CRIM1: variants seen among roughly 807,000 people sequenced by gnomAD.
CRIM1 encodes the protein cysteine rich transmembrane BMP regulator 1, also known as cysteine-rich motor neuron 1 protein.
In CRIM1, 32 loss-of-function variants were observed where a neutral mutation model predicts 116.4. That is an observed-to-expected ratio of 0.27 (90% CI 0.21 to 0.37). The LOEUF is 0.37. Ranked by LOEUF, CRIM1 falls within the 10% of genes least tolerant of loss-of-function variation. The pLI, the probability that CRIM1 is intolerant of heterozygous loss-of-function variation, is 1.00. For missense variants in CRIM1, 1,331 were observed against 1,354.8 expected, an observed-to-expected ratio of 0.98 and a Z score of 0.28; for synonymous variants, 590 against 509.2, an observed-to-expected ratio of 1.16 and a Z score of -2.13.
intron 13 of CRIM1, among the ~76,000 whole-genome samples, chr2:36,526,092 A>G (rs1221782853): frequency 2.0e-5 from 3 of 152,216 alleles, no homozygotes; most frequent in African/African-American, 4.8e-5. Flanking sequence ...TTCTTATAAT[A>G]TCCATCATTA....
At chr2:36,544,973 G>T (rs1667216391) in intron 15 of CRIM1, among the ~76,000 whole-genome samples, 1 of 152,050 alleles carries the variant, frequency 6.6e-6, no homozygotes, top group Admixed American at 6.6e-5. Flanking sequence ...GATTTTTCTA[G>T]TCACCAGGTT....
rs776641004 is a variant in CRIM1 at position 36,517,306 on chromosome 2, T to G, written c.1991-21T>G. ...AAGATTGCAGATGAATAATGTGTTC[T>G]GATTTTGTGTCATTTCCCAGATGAC... On this transcript the variant is annotated intron_variant, in intron 11 of 16. Coordinates refer to ENST00000280527, the MANE Select transcript of CRIM1 (RefSeq NM_016441.3). 7 of 1,602,236 alleles carry G rather than the reference T, an allele frequency of 4.4e-6. No individual in the cohort carries two copies. In the African/African-American group the frequency reaches 8.0e-5, roughly 18 times the overall value.
intron 1 of CRIM1, among the ~76,000 whole-genome samples, chr2:36,394,089 G>A (rs184352406): frequency 1.3e-5 from 2 of 152,276 alleles, no homozygotes; most frequent in Admixed American, 1.3e-4. Flanking sequence ...GGGAGTTCCA[G>A]TTAGAATGGT....
chr2:36,460,124 C>G (rs1335300657), intron 4 of CRIM1, among the ~76,000 whole-genome samples: 1 of 152,132 alleles, frequency 6.6e-6, no homozygotes, highest in Non-Finnish European at 1.5e-5. Context: ...GACAGCTTTA[C>G]CAAGTCCCAC....
intron 4 of CRIM1, among the ~76,000 whole-genome samples, chr2:36,448,520 C>T (rs1282402059): frequency 2.0e-5 from 3 of 152,224 alleles, no homozygotes; most frequent in Non-Finnish European, 4.4e-5. Flanking sequence ...CAGATACAGG[C>T]TTACACGGTA....
At chr2:36,364,405 G>T (rs1048170891) in intron 1 of CRIM1, among the ~76,000 whole-genome samples, 1 of 152,192 alleles carries the variant, frequency 6.6e-6, no homozygotes, top group Non-Finnish European at 1.5e-5. Context: ...CACAGGCCAT[G>T]ATCTGATGGT....
intron 4 of CRIM1, among the ~76,000 whole-genome samples, chr2:36,463,569 G>A (rs906814240): frequency 2.0e-5 from 3 of 152,152 alleles, no homozygotes; most frequent in African/African-American, 7.2e-5. Flanking sequence ...CCCCAGGGGA[G>A]TCCCAGGGCA....
At chr2:36,516,014 G>T (rs1416092325) in intron 11 of CRIM1, among the ~76,000 whole-genome samples, 6 of 152,188 alleles carry the variant, frequency 3.9e-5, no homozygotes, top group Non-Finnish European at 4.4e-5. Context: ...GGTTACAGTT[G>T]CTTGTGAATG....
chr2:36,463,501 C>A (rs950921615), intron 4 of CRIM1, among the ~76,000 whole-genome samples: 1 of 152,102 alleles, frequency 6.6e-6, no homozygotes, highest in East Asian at 1.9e-4. Context: ...TCCTTTTACT[C>A]CTGTCAACCT....
Position 36,368,189 on chromosome 2 carries a change from G to T in CRIM1, c.331+11566G>T, listed in dbSNP as rs146008729. Among the ~76,000 whole-genome samples, 683 of 152,328 alleles carry T rather than the reference G, an allele frequency of 4.5e-3. 3 individuals are homozygous for T. Among genetic ancestry groups the T allele is most frequent in the African/African-American group, 0.016 (649 of 41,580 alleles). ...TAGCAGTAATAGTGCATGAAAGGGG[G>T]TGTGGGGTCGCTGGCCAAACGTGGC... On this transcript the variant is annotated intron_variant, in intron 1 of 16. Transcript: ENST00000280527.
intron 2 of CRIM1, among the ~76,000 whole-genome samples, chr2:36,402,017 G>A (rs111369918): frequency 1.5e-4 from 23 of 152,280 alleles, no homozygotes; most frequent in African/African-American, 5.5e-4. Context: ...GGAAGACAGA[G>A]GCTCCCAGCT....
At chr2:36,532,705 G>A (rs111597944) in intron 13 of CRIM1, among the ~76,000 whole-genome samples, 1 of 152,160 alleles carries the variant, frequency 6.6e-6, no homozygotes, top group African/African-American at 2.4e-5. Context: ...AACCAGACCC[G>A]CTGTGGTTCC....
chr2:36,401,722 T>C (rs903466231), intron 2 of CRIM1, among the ~76,000 whole-genome samples: 2 of 152,222 alleles, frequency 1.3e-5, no homozygotes, highest in Non-Finnish European at 2.9e-5. Context: ...AAAAAAATTA[T>C]TGTAATTCAG....
chr2:36,449,415 C>T (rs531738383), intron 4 of CRIM1, among the ~76,000 whole-genome samples: 1 of 152,312 alleles, frequency 6.6e-6, no homozygotes, highest in African/African-American at 2.4e-5. Flanking sequence ...CTGTGTCATG[C>T]ACTTTGTTAT....
Position 36,444,387 on chromosome 2 carries a change from G to C in CRIM1, c.869+1652G>C, listed in dbSNP as rs116545671. On this transcript the variant is annotated intron_variant, in intron 4 of 16. Transcript: ENST00000280527. ...GAGGCAGACAGAGCTCCTTGGAGCT[G>C]GATAGATTTCTTTCCGTCTGGATGG... Among the ~76,000 whole-genome samples the C allele has an allele frequency of 3.8e-3, 570 of 151,880 alleles. 2 individuals carry two copies. Among genetic ancestry groups the C allele is most frequent in the Non-Finnish European group, 3.9e-3 (268 of 68,028 alleles).
At chr2:36,469,567 G>T (rs1232626275) in intron 5 of CRIM1, among the ~76,000 whole-genome samples, 2 of 152,154 alleles carry the variant, frequency 1.3e-5, no homozygotes, top group East Asian at 3.8e-4. Context: ...ACCATTTAAA[G>T]GGGAGCCGTA....
At chr2:36,391,713 T>A (rs1374360399) in intron 1 of CRIM1, among the ~76,000 whole-genome samples, 1 of 151,830 alleles carries the variant, frequency 6.6e-6, no homozygotes, top group Non-Finnish European at 1.5e-5. Flanking sequence ...CCTTTTTGGG[T>A]GGTAAATCAG....
chr2:36,366,040 C>T (rs1669581032), intron 1 of CRIM1, among the ~76,000 whole-genome samples: 1 of 152,190 alleles, frequency 6.6e-6, no homozygotes, highest in African/African-American at 2.4e-5. Flanking sequence ...ACTACATTTG[C>T]TTAACTGTGA....
chr2:36,444,690 AG>A (rs1478576241), intron 4 of CRIM1, among the ~76,000 whole-genome samples: 2 of 152,170 alleles, frequency 1.3e-5, no homozygotes, highest in Non-Finnish European at 2.9e-5. Context: ...ACAGCTCTTT[AG>A]TTTCCTGTAT....
Sources: allele counts gnomAD v4.1 joint callset (sites outside exome capture counted in the v4.1 genomes callset), GRCh38; gene constraint gnomAD v4.1.1; transcripts MANE v1.5; gene names NCBI Gene and HGNC (gene_info 2026-07-23, HGNC 2026-07-21).